STK32A: variants seen among roughly 807,000 people sequenced by gnomAD.
The protein encoded by STK32A is serine/threonine kinase 32A.
In STK32A, 41 loss-of-function variants were observed where a neutral mutation model predicts 53.2. That is an observed-to-expected ratio of 0.77 (90% CI 0.60 to 1.00). The LOEUF (loss-of-function observed/expected upper bound fraction) is 1.00, where lower values mean the gene tolerates loss of function less well. Among genes scored for constraint, STK32A ranks in the 50% least tolerant of loss-of-function variants. The pLI is 0.00. For missense variants in STK32A, 458 were observed against 485.8 expected (o/e 0.94, Z 0.54); for synonymous variants, 166 against 162.8 (o/e 1.02, Z -0.15).
At chr5:147,389,808 T>C (rs183081470), downstream of STK32A, among the ~76,000 whole-genome samples, 1,784 of 151,534 alleles carry the variant, frequency 0.012, 23 homozygotes, top group Non-Finnish European at 0.017. Context: ...GAAGTGGAGG[T>C]TGTAGTGAGC....
intron 2 of STK32A, among the ~76,000 whole-genome samples, chr5:147,277,805 T>C (rs528202203): frequency 3.5e-4 from 53 of 152,284 alleles, no homozygotes; most frequent in Admixed American, 9.8e-4. Context: ...CAGTGGGAGC[T>C]TGAATTTTCC....
chr5:147,251,934 G>A (rs910863313), intron 2 of STK32A, among the ~76,000 whole-genome samples: 1 of 152,128 alleles, frequency 6.6e-6, no homozygotes, highest in African/African-American at 2.4e-5. Flanking sequence ...CAGGTGAAGT[G>A]GATCACACCT....
intron 11 of STK32A, among the ~76,000 whole-genome samples, chr5:147,378,138 T>G (rs1335439389): frequency 2.0e-5 from 3 of 152,132 alleles, no homozygotes; most frequent in Non-Finnish European, 2.9e-5. Flanking sequence ...GTAAAATTCC[T>G]GCTTTGTTAG....
intron 2 of STK32A, among the ~76,000 whole-genome samples, chr5:147,259,367 C>T (rs1392072267): frequency 6.6e-6 from 1 of 152,024 alleles, no homozygotes; most frequent in Non-Finnish European, 1.5e-5. Flanking sequence ...TGTATTCGGG[C>T]CATCCGCGGG....
chr5:147,373,614 G>GT lies in STK32A; in HGVS notation c.903+328dup, dbSNP rs201295381. On this transcript the variant is annotated intron_variant, in intron 10 of 12. Transcript: ENST00000397936. ...TAGTCATTCTCATGAATCTGCTGGG[G>GT]TTTTTTTTAAGTTTTCTTTGATTCT... is the stretch of plus-strand genomic sequence containing the variant. 7.3e-3 allele frequency among the ~76,000 whole-genome samples: 1,109 copies of GT among 151,966 alleles called. 4 individuals carry two copies. Among genetic ancestry groups the GT allele is most frequent in the Middle Eastern group, 0.017 (5 of 294 alleles).
rs150747143 is a variant in STK32A, at chr5:147,326,832, G to A, written c.434+2761G>A. ...GAGTCAAAAGCCATAAATAATCTAG[G>A]CAATTCAGGACCTATGTCAACATCA... On this transcript the variant is annotated intron_variant, in intron 5 of 12. Coordinates refer to ENST00000397936, the MANE Select transcript of STK32A (RefSeq NM_001112724.2). Among the ~76,000 whole-genome samples, 130 of 152,158 alleles carry A rather than the reference G, an allele frequency of 8.5e-4. 1 individual carries two copies. The highest frequency in any genetic ancestry group is 3.0e-3 in the African/African-American group (123 of 41,502).
At chr5:147,320,036 TA>T (rs11321175) in intron 4 of STK32A, among the ~76,000 whole-genome samples, 31,173 of 152,012 alleles carry the variant, frequency 0.21, 3,354 homozygotes, top group African/African-American at 0.23. Flanking sequence ...AGTATATTCA[TA>T]AAAAAAATCA....
intron 2 of STK32A, among the ~76,000 whole-genome samples, chr5:147,277,203 C>A (rs1303821552): frequency 6.6e-6 from 1 of 152,050 alleles, no homozygotes; most frequent in Non-Finnish European, 1.5e-5. Flanking sequence ...AACTTAAAAT[C>A]CCTTATTTGG....
At chr5:147,342,617 C>T (rs574141912) in intron 5 of STK32A, 13 of 175,574 alleles carry the variant, frequency 7.4e-5, no homozygotes, top group South Asian at 6.6e-4. Context: ...TCTAGAGTTA[C>T]ACAAGAAAAT....
chr5:147,365,859 C>T (rs1011955376), intron 8 of STK32A, among the ~76,000 whole-genome samples: 13 of 152,158 alleles, frequency 8.5e-5, no homozygotes, highest in African/African-American at 2.9e-4. Flanking sequence ...GAGGTATTCT[C>T]GCCTGCCTGG....
chr5:147,255,266 T>C (rs1217060594), intron 2 of STK32A, among the ~76,000 whole-genome samples: 2 of 152,258 alleles, frequency 1.3e-5, no homozygotes, highest in Non-Finnish European at 2.9e-5. Flanking sequence ...TTTCAAACTT[T>C]TTTTTAATAT....
rs1757647302 is a variant in STK32A, at chr5:147,386,477, A to G, written c.*2494A>G. The G allele has an allele frequency of 6.6e-6, 1 of 152,174 alleles. No homozygotes were observed. Among genetic ancestry groups the G allele is most frequent in the Admixed American group, 6.5e-5 (1 of 15,282 alleles). The allele number at this position is 152,174 out of a possible 1,614,324, so 9.4% of individuals were successfully genotyped here. On this transcript the variant is annotated 3_prime_UTR_variant, in exon 13 of 13. Transcript: ENST00000397936. ...AGAGGCTTTGGGAAATTTTTCTGTAATTACACTTACCAAAGAGCCATGGAA... is the reference window on the plus strand; with the variant it reads ...AGAGGCTTTGGGAAATTTTTCTGTAGTTACACTTACCAAAGAGCCATGGAA...
At chr5:147,343,194 C>A in intron 6 of STK32A, 151 bp downstream of exon 6, 1 of 837,554 alleles carries the variant, frequency 1.2e-6, no homozygotes, top group Non-Finnish European at 2.1e-6. Flanking sequence ...TATGGGGGAA[C>A]TTTATTACTT....
At chr5:147,306,073 A>G (rs577736223) in intron 4 of STK32A, among the ~76,000 whole-genome samples, 16 of 152,176 alleles carry the variant, frequency 1.1e-4, no homozygotes, top group Admixed American at 7.2e-4. Flanking sequence ...CACATCCGCA[A>G]TGTATGAAAA....
At chr5:147,250,867 G>A (rs1226131630) in intron 2 of STK32A, among the ~76,000 whole-genome samples, 6 of 150,204 alleles carry the variant, frequency 4.0e-5, no homozygotes, top group Admixed American at 1.3e-4. Context: ...GCGTGAACCC[G>A]GGAGGTGGAG....
intron 4 of STK32A, among the ~76,000 whole-genome samples, chr5:147,298,651 T>A (rs544119442): frequency 7.5e-4 from 114 of 152,318 alleles, no homozygotes; most frequent in African/African-American, 2.6e-3. Context: ...GCTTGTTTTT[T>A]CTTAAGCCAC....
chr5:147,370,547 T>C (rs532235744), intron 8 of STK32A, 107 bp from the exon 9 acceptor site: 2 of 653,576 alleles, frequency 3.1e-6, no homozygotes, highest in East Asian at 2.7e-5. Flanking sequence ...GGTTAGAAAT[T>C]GATATAGATA....
At chr5:147,370,565 G>A (rs371450812) in intron 8 of STK32A, 89 bp from the exon 9 acceptor site, 33 of 754,680 alleles carry the variant, frequency 4.4e-5, no homozygotes, top group East Asian at 2.9e-4. Context: ...ATATTTTATC[G>A]GTTGAAAGTT....
intron 3 of STK32A, 50 bp from the exon 4 acceptor site, chr5:147,279,197 A>C: frequency 6.4e-7 from 1 of 1,550,568 alleles, no homozygotes; most frequent in Non-Finnish European, 8.8e-7. Context: ...TCTCATCACC[A>C]TGATCCATTA....
Sources: allele counts gnomAD v4.1 joint callset (sites outside exome capture counted in the v4.1 genomes callset), GRCh38; gene constraint gnomAD v4.1.1; transcripts MANE v1.5; gene names NCBI Gene and HGNC (gene_info 2026-07-23, HGNC 2026-07-21).